Variants in ACACA observed in about 807,000 individuals in gnomAD.
ACACA encodes acetyl-CoA carboxylase alpha.
Under a neutral mutation model 296.1 loss-of-function variants are expected in ACACA, and 103 were observed. The ratio of observed to expected loss-of-function variants is 0.35; its 90% confidence interval spans 0.30 to 0.41. The LOEUF (loss-of-function observed/expected upper bound fraction) is 0.41. Among genes scored for constraint, ACACA ranks in the 10% least tolerant of loss-of-function variants. The pLI, the probability that ACACA is intolerant of heterozygous loss-of-function variation, is 1.00. For missense variants in ACACA, 1,554 were observed against 2,989.7 expected, an observed-to-expected ratio of 0.52 and a Z score of 11.20; for synonymous variants, 953 against 1,038.6, an observed-to-expected ratio of 0.92 and a Z score of 1.58.
intron 1 of ACACA, among the ~76,000 whole-genome samples, chr17:37,359,615 C>A (rs2147592486): frequency 6.6e-6 from 1 of 152,292 alleles, no homozygotes; most frequent in African/African-American, 2.4e-5. Context: ...GACTAGCCGG[C>A]CTGTAGAGGC....
At chr17:37,095,021 C>T (rs546155223) in intron 54 of ACACA, among the ~76,000 whole-genome samples, 6 of 152,120 alleles carry the variant, frequency 3.9e-5, no homozygotes, top group Non-Finnish European at 7.4e-5. Context: ...TTTCTTCAGA[C>T]GCTCTGTCCG....
At chr17:37,269,475 T>C (rs2081969828) in intron 10 of ACACA, among the ~76,000 whole-genome samples, 1 of 152,186 alleles carries the variant, frequency 6.6e-6, no homozygotes, top group Non-Finnish European at 1.5e-5. Context: ...TTGGGCAAAA[T>C]CTTCTAACAC....
chr17:37,156,559 A>G (rs550534387), intron 42 of ACACA, among the ~76,000 whole-genome samples: 2 of 152,300 alleles, frequency 1.3e-5, no homozygotes, highest in African/African-American at 4.8e-5. Flanking sequence ...TAAAATCAGA[A>G]GTCTACACAG....
In ACACA at chr17:37,248,671, AC is replaced by A; in HGVS notation, c.2084del (p.Gly695ValfsTer10). The A allele has an allele frequency of 1.2e-6, 2 of 1,607,078 alleles. No homozygotes were observed. Among genetic ancestry groups the A allele is most frequent in the Non-Finnish European group, 1.7e-6 (2 of 1,174,534 alleles). On this transcript the variant is annotated frameshift_variant and splice_region_variant, in exon 17 of 56. Transcript: ENST00000616317. LOFTEE classifies it high-confidence loss of function. The stretch of plus-strand genomic sequence containing the variant: ...GAAGTGTATGAGCAGGAAGGACTTG[AC>A]CCCTGAAAGAACGATGAGAGAGGAA... The part of the protein sequence containing the change: ...VSNFLHSLER[G>X]QVLPAHTLLN...
intron 33 of ACACA, among the ~76,000 whole-genome samples, chr17:37,204,893 AG>A (rs2078426522): frequency 6.6e-6 from 1 of 152,228 alleles, no homozygotes; most frequent in Non-Finnish European, 1.5e-5. Flanking sequence ...ACATGGTAAG[AG>A]CACATTTGGG....
At chr17:37,392,788 C>T (rs2050936098) in intron 1 of ACACA, 1 of 151,978 alleles carries the variant, frequency 6.6e-6, no homozygotes, top group African/African-American at 2.4e-5. Context: ...TATTCAAGTC[C>T]AGCCTGAAAG....
chr17:37,144,508 A>AT, intron 45 of ACACA: 8 of 221,940 alleles, frequency 3.6e-5, no homozygotes, highest in South Asian at 1.5e-4. Flanking sequence ...GAGCATGGAG[A>AT]CTACACAGTG....
intron 29 of ACACA, 52 bp downstream of exon 29, chr17:37,221,672 T>C: frequency 3.6e-6 from 5 of 1,399,476 alleles, no homozygotes; most frequent in Non-Finnish European, 5.1e-6. Flanking sequence ...TCCCCTTGAT[T>C]CTCATGGTAT....
chr17:37,286,178 C>A (rs2082763084), intron 3 of ACACA, among the ~76,000 whole-genome samples: 1 of 152,196 alleles, frequency 6.6e-6, no homozygotes, highest in South Asian at 2.1e-4. Flanking sequence ...GCATGAGCCA[C>A]CGCGCCTGGC....
intron 11 of ACACA, among the ~76,000 whole-genome samples, chr17:37,260,019 T>C (rs945374601): frequency 5.3e-5 from 8 of 150,936 alleles, no homozygotes; most frequent in African/African-American, 2.0e-4. Flanking sequence ...GTAGCTGAGA[T>C]TACAGGCATG....
chr17:37,342,421 AAAAAAAAAAAAAAAAATAT>A (rs1413740112), intron 1 of ACACA, among the ~76,000 whole-genome samples: 31 of 123,812 alleles, frequency 2.5e-4, no homozygotes, highest in Non-Finnish European at 3.8e-4. Flanking sequence ...AAAAAAAAAA[AAAAAAAAAAAAAAAAATAT>A]ATATATATAT....
At chr17:37,229,108 C>G (rs1598253297) in intron 25 of ACACA, among the ~76,000 whole-genome samples, 1 of 148,000 alleles carries the variant, frequency 6.8e-6, no homozygotes, top group African/African-American at 2.5e-5. Flanking sequence ...CCGGCCACTG[C>G]ACTCCAGCCT....
intron 10 of ACACA, among the ~76,000 whole-genome samples, chr17:37,266,440 T>C (rs191100161): frequency 2.7e-5 from 4 of 150,150 alleles, no homozygotes; most frequent in African/African-American, 9.8e-5. Context: ...AAAAGATAGT[T>C]AGAAGCATGT....
At chr17:37,216,125 A>AACACACAC (rs745794412) in intron 29 of ACACA, among the ~76,000 whole-genome samples, 201 of 124,566 alleles carry the variant, frequency 1.6e-3, no homozygotes, top group South Asian at 0.013. Context: ...TAAAAAAGGA[A>AACACACAC]ACACACACAC....
chr17:37,146,128 A>C (rs1264679310), intron 45 of ACACA, among the ~76,000 whole-genome samples: 1 of 152,238 alleles, frequency 6.6e-6, no homozygotes, highest in African/African-American at 2.4e-5. Flanking sequence ...TATGAAGGTT[A>C]CTACTGTTGG....
intron 1 of ACACA, chr17:37,389,148 A>G: frequency 7.1e-7 from 1 of 1,411,742 alleles, no homozygotes; most frequent in Non-Finnish European, 9.6e-7. Context: ...TTTATTTAGA[A>G]GAGATGGCTT....
At chr17:37,349,534 C>T (rs747096638) in intron 1 of ACACA, among the ~76,000 whole-genome samples, 32 of 145,334 alleles carry the variant, frequency 2.2e-4, no homozygotes, top group Non-Finnish European at 3.4e-4. Context: ...TGTGTGTGCG[C>T]GCGTGTGTGT....
chr17:37,088,748 G>T (rs554966255), intron 55 of ACACA, among the ~76,000 whole-genome samples, 190 bp downstream of exon 55: 44 of 152,180 alleles, frequency 2.9e-4, no homozygotes, highest in Non-Finnish European at 5.1e-4. Context: ...TGCCCCTGGG[G>T]AGCAGTAGCT....
chr17:37,280,885 A>G (rs2082488821), intron 5 of ACACA, among the ~76,000 whole-genome samples: 1 of 152,026 alleles, frequency 6.6e-6, no homozygotes, highest in African/African-American at 2.4e-5. Flanking sequence ...GGCAAATACT[A>G]TATCACATCT....
Sources: allele counts gnomAD v4.1 joint callset (sites outside exome capture counted in the v4.1 genomes callset), GRCh38; gene constraint gnomAD v4.1.1; transcripts MANE v1.5; gene names NCBI Gene and HGNC (gene_info 2026-07-23, HGNC 2026-07-21).